Variants in DAB1 observed in about 807,000 individuals in gnomAD.
DAB1 encodes the protein DAB adaptor protein 1, also known as disabled homolog 1.
DAB1 carries 15 observed loss-of-function variants against 64.6 expected under a neutral mutation model. The ratio of observed to expected loss-of-function variants is 0.23; its 90% CI spans 0.16 to 0.36. The LOEUF (loss-of-function observed/expected upper bound fraction) is 0.36. Among genes scored for constraint, DAB1 ranks in the 10% least tolerant of loss-of-function variants. The pLI, the probability that DAB1 is intolerant of heterozygous loss-of-function variation, is 1.00. For missense variants in DAB1, 596 were observed against 706.7 expected, an observed-to-expected ratio of 0.84 and a Z score of 1.78; for synonymous variants, 235 against 251.9, an observed-to-expected ratio of 0.93 and a Z score of 0.64.
At chr1:58,000,329 C>T (rs948470343) in intron 5 of DAB1, among the ~76,000 whole-genome samples, 2 of 152,196 alleles carry the variant, frequency 1.3e-5, no homozygotes, top group African/African-American at 4.8e-5. Flanking sequence ...AAGAAAATAT[C>T]TGTATGGACA....
chr1:57,238,223 C>A (rs980732448), intron 2 of DAB1, among the ~76,000 whole-genome samples: 1 of 152,136 alleles, frequency 6.6e-6, no homozygotes, highest in Non-Finnish European at 1.5e-5. Flanking sequence ...CTGTGCCCTG[C>A]CTGAGACCTC....
chr1:58,489,092 G>C (rs1446533335), intron 3 of DAB1, among the ~76,000 whole-genome samples: 1 of 152,200 alleles, frequency 6.6e-6, no homozygotes, highest in Non-Finnish European at 1.5e-5. Flanking sequence ...TTGGCCAGTG[G>C]GTGCAGGACA....
intron 11 of DAB1, among the ~76,000 whole-genome samples, chr1:57,022,956 G>C (rs913189772): frequency 2.6e-5 from 4 of 152,210 alleles, no homozygotes; most frequent in Non-Finnish European, 4.4e-5. Context: ...TTAACTTGTT[G>C]TAAAAGTAGT....
chr1:57,533,392 A>ATT (rs556083190), intron 7 of DAB1, among the ~76,000 whole-genome samples: 2 of 147,544 alleles, frequency 1.4e-5, no homozygotes, highest in African/African-American at 2.5e-5. Flanking sequence ...AAGTTTAATG[A>ATT]TTTTTTTTTT....
chr1:58,056,575 C>A, intron 5 of DAB1: 2 of 741,644 alleles, frequency 2.7e-6, no homozygotes, highest in South Asian at 2.9e-5. Context: ...TTTTCTGGCT[C>A]TCAGGCTCTG....
At chr1:58,169,389 G>C (rs1656039872) in intron 4 of DAB1, among the ~76,000 whole-genome samples, 2 of 152,154 alleles carry the variant, frequency 1.3e-5, no homozygotes, top group African/African-American at 4.8e-5. Flanking sequence ...AAAACCACGT[G>C]TGGTTTTGTC....
chr1:58,362,794 C>A (rs1644180391), intron 3 of DAB1, among the ~76,000 whole-genome samples: 1 of 152,074 alleles, frequency 6.6e-6, no homozygotes, highest in African/African-American at 2.4e-5. Flanking sequence ...AACTGCAGTC[C>A]AAGGAGGGGA....
At chr1:57,843,807 C>CT (rs1653157893) in intron 1 of DAB1, among the ~76,000 whole-genome samples, 1 of 152,160 alleles carries the variant, frequency 6.6e-6, no homozygotes, top group Admixed American at 6.5e-5. Flanking sequence ...TCTGGGATCT[C>CT]TTTTCCTTTG....
chr1:57,153,335 A>G (rs1414140272), intron 2 of DAB1, among the ~76,000 whole-genome samples: 3 of 152,082 alleles, frequency 2.0e-5, no homozygotes, highest in African/African-American at 7.2e-5. Flanking sequence ...CCCATATAGT[A>G]TTATTAAAGC....
At chr1:57,568,633 T>A (rs992150208) in intron 7 of DAB1, among the ~76,000 whole-genome samples, 10 of 152,164 alleles carry the variant, frequency 6.6e-5, no homozygotes, top group African/African-American at 2.4e-4. Context: ...AACAGACATG[T>A]CTCAAAAGAA....
intron 4 of DAB1, among the ~76,000 whole-genome samples, chr1:58,198,157 G>C (rs1657793820): frequency 6.6e-6 from 1 of 152,218 alleles, no homozygotes; most frequent in Admixed American, 6.5e-5. Context: ...GAGAAAGTCA[G>C]AGTACAGAGA....
intron 7 of DAB1, among the ~76,000 whole-genome samples, chr1:57,478,794 G>A (rs1258366075): frequency 6.6e-6 from 1 of 151,242 alleles, no homozygotes; most frequent in African/African-American, 2.4e-5. Flanking sequence ...TAGAGATGGG[G>A]TTTCACCATG....
rs183741458 is a variant in DAB1, at chr1:57,336,168, C to T, written c.-136-45002G>A. On this transcript the variant is annotated intron_variant, in intron 1 of 14. Coordinates refer to ENST00000371236, the MANE Select transcript of DAB1 (RefSeq NM_001365792.1). ...TTGTTATTTTTTTCTCCACATTTTT[C>T]GCATTAACTTCAAGTAAGACAAGTT... Among the ~76,000 whole-genome samples the T allele has an allele frequency of 3.7e-4, 56 of 152,258 alleles. No individual in the cohort carries two copies. The East Asian group carries it at 9.6e-3, about 26-fold the overall frequency.
chr1:57,062,078 G>T (rs1192041676), intron 9 of DAB1, among the ~76,000 whole-genome samples: 1 of 152,180 alleles, frequency 6.6e-6, no homozygotes, highest in Non-Finnish European at 1.5e-5. Context: ...CCTTCTGCAT[G>T]CCAGTTGTAG....
chr1:58,461,491 C>T (rs1645242061), intron 3 of DAB1, among the ~76,000 whole-genome samples: 1 of 152,164 alleles, frequency 6.6e-6, no homozygotes, highest in Non-Finnish European at 1.5e-5. Context: ...CTTTGGCGGG[C>T]CAGTGCTACT....
At chr1:58,146,811 C>T (rs1055380359) in intron 5 of DAB1, among the ~76,000 whole-genome samples, 5 of 151,366 alleles carry the variant, frequency 3.3e-5, no homozygotes, top group Non-Finnish European at 5.9e-5. Context: ...TAACATATAC[C>T]ATAATTCCTT....
upstream of DAB1, among the ~76,000 whole-genome samples, chr1:57,886,404 G>C (rs1309260500): frequency 6.6e-6 from 1 of 152,076 alleles, no homozygotes; most frequent in Non-Finnish European, 1.5e-5. Flanking sequence ...TGATCCACCT[G>C]CCTCGGCCTC....
At chr1:57,279,499 G>A (rs531744466) in intron 2 of DAB1, among the ~76,000 whole-genome samples, 60 of 152,306 alleles carry the variant, frequency 3.9e-4, no homozygotes, top group African/African-American at 1.4e-3. Flanking sequence ...TGAAAGCAGG[G>A]TCTCGAATAG....
chr1:58,095,809 G>T (rs974012420), intron 5 of DAB1, among the ~76,000 whole-genome samples: 2 of 152,206 alleles, frequency 1.3e-5, no homozygotes, highest in Admixed American at 6.5e-5. Flanking sequence ...GCCTAAAAAG[G>T]TAATGATTCA....
Sources: gnomAD v4.1 joint callset for allele counts (sites outside exome capture counted in the v4.1 genomes callset) on GRCh38, gnomAD v4.1.1 for gene constraint, MANE v1.5 for transcripts, NCBI Gene and HGNC (gene_info 2026-07-23, HGNC 2026-07-21) for gene names.